The following GABRG1 variants were observed in gnomAD, a reference collection of about 807,000 sequenced individuals.
GABRG1 encodes gamma-aminobutyric acid receptor subunit gamma-1.
A neutral mutation model predicts 49.8 loss-of-function variants in GABRG1; 49 were observed. The observed-to-expected ratio is 0.98, with a 90% confidence interval of 0.78 to 1.25. The LOEUF (loss-of-function observed/expected upper bound fraction) is 1.25, where lower values mean the gene tolerates loss of function less well. Among genes scored for constraint, GABRG1 ranks in the 50% most tolerant of loss-of-function variants. The probability of loss-of-function intolerance (pLI) is 0.00; values close to 1 mark genes in which losing one functional copy is unlikely to be tolerated. For missense variants in GABRG1, 552 were observed against 552.3 expected (o/e 1.00, Z 0.01); for synonymous variants, 232 against 185.1 (o/e 1.25, Z -2.06).
intron 3 of GABRG1, among the ~76,000 whole-genome samples, chr4:46,079,853 C>T (rs185237588): frequency 1.0e-3 from 159 of 151,888 alleles, no homozygotes; most frequent in African/African-American, 3.6e-3. Context: ...CATAATATCC[C>T]CCAAATCTGA....
At position 46,065,103 on chromosome 4, in the gene GABRG1, A is replaced by G. The variant is rs1056271141; in HGVS notation, c.542+261T>C. 4.6e-5 allele frequency among the ~76,000 whole-genome samples: 7 copies of G among 152,172 alleles called. 1 individual carries two copies. In the South Asian group the frequency reaches 8.3e-4, roughly 18 times the overall value. ...ATTTGCACTGCAGGTTAAGAAAACC[A>G]TAATCTTTATGCTGCAACCTGTTCT... On this transcript the variant is annotated intron_variant, in intron 4 of 8. Transcript: ENST00000295452.
intron 7 of GABRG1, among the ~76,000 whole-genome samples, chr4:46,053,804 T>G (rs1718336687): frequency 6.6e-6 from 1 of 152,092 alleles, no homozygotes; most frequent in Non-Finnish European, 1.5e-5. Flanking sequence ...TTATTTAATT[T>G]AGTAATTATT....
chr4:46,096,129 A>G lies in GABRG1; in HGVS notation c.253+1072T>C, dbSNP rs191156635. 5.0e-4 allele frequency among the ~76,000 whole-genome samples: 76 copies of G among 152,006 alleles called. 2 individuals are homozygous for G. The South Asian group carries it at 0.015, about 29-fold the overall frequency. ...CCTCCAGCATATATTGAAAGAGCCT[A>G]AAGACTAAAGCAAAGATTGGGAAAA... is the stretch of plus-strand genomic sequence containing the variant. On this transcript the variant is annotated intron_variant, in intron 2 of 8. Transcript: ENST00000295452.
In GABRG1 at chr4:46,121,342, A is replaced by G. The variant is rs1721085267; in HGVS notation, c.104+2468T>C. 3.3e-5 allele frequency among the ~76,000 whole-genome samples: 5 copies of G among 152,110 alleles called. No homozygotes were observed. In the South Asian group the frequency reaches 1.0e-3, roughly 31 times the overall value. ...AAATATGATCGTACATGATTTATAC[A>G]TGTTAGCATCTGTTACCTCCAACTA... On this transcript the variant is annotated intron_variant, in intron 1 of 8. Coordinates refer to ENST00000295452, the MANE Select transcript of GABRG1 (RefSeq NM_173536.4).
intron 3 of GABRG1, among the ~76,000 whole-genome samples, chr4:46,067,376 T>C (rs1262063770): frequency 1.3e-5 from 2 of 152,146 alleles, no homozygotes; most frequent in African/African-American, 2.4e-5. Context: ...AGATGTATGT[T>C]TTATAAAGGG....
intron 8 of GABRG1, among the ~76,000 whole-genome samples, chr4:46,050,069 G>A (rs1244337171): frequency 6.6e-6 from 1 of 151,836 alleles, no homozygotes; most frequent in Non-Finnish European, 1.5e-5. Flanking sequence ...CAGAGAAGAT[G>A]CATGGCTTTG....
At chr4:46,120,656 T>G (rs962825947) in intron 1 of GABRG1, among the ~76,000 whole-genome samples, 1 of 151,796 alleles carries the variant, frequency 6.6e-6, no homozygotes, top group Non-Finnish European at 1.5e-5. Context: ...CTTAAAAAAT[T>G]ATTCATTCAT....
intron 2 of GABRG1, among the ~76,000 whole-genome samples, chr4:46,095,122 A>G (rs1720123323): frequency 6.6e-6 from 1 of 151,862 alleles, no homozygotes; most frequent in Non-Finnish European, 1.5e-5. Flanking sequence ...AAAATAGAAG[A>G]AAAAGACAAA....
chr4:46,080,042 C>T (rs900826639), intron 3 of GABRG1, among the ~76,000 whole-genome samples: 4 of 151,806 alleles, frequency 2.6e-5, no homozygotes, highest in Non-Finnish European at 4.4e-5. Context: ...ATTAGTGCAT[C>T]TGTTACTCAT....
chr4:46,053,532 T>TA (rs1462204747), intron 7 of GABRG1, among the ~76,000 whole-genome samples: 3 of 152,034 alleles, frequency 2.0e-5, no homozygotes, highest in South Asian at 4.1e-4. Flanking sequence ...TGGTAAAGGC[T>TA]AAAAAAATGA....
At chr4:46,112,782 G>A (rs192874301) in intron 1 of GABRG1, among the ~76,000 whole-genome samples, 165 of 151,168 alleles carry the variant, frequency 1.1e-3, no homozygotes, top group African/African-American at 3.8e-3. Context: ...CTATTAGAGA[G>A]GGCAAGGAGG....
chr4:46,077,554 A>C (rs1286908862), intron 3 of GABRG1, among the ~76,000 whole-genome samples: 1 of 151,932 alleles, frequency 6.6e-6, no homozygotes, highest in Non-Finnish European at 1.5e-5. Flanking sequence ...TATGAAGAAC[A>C]TCTTTAGAAG....
intron 1 of GABRG1, among the ~76,000 whole-genome samples, chr4:46,106,239 A>G (rs1461080863): frequency 1.3e-5 from 2 of 151,458 alleles, no homozygotes; most frequent in African/African-American, 4.8e-5. Flanking sequence ...TTTGTAGTGC[A>G]GCCCGTTGGC....
intron 2 of GABRG1, among the ~76,000 whole-genome samples, chr4:46,092,515 T>C (rs10470767): frequency 0.51 from 76,647 of 151,626 alleles, 19,703 homozygotes; most frequent in African/African-American, 0.54. Context: ...AAGGAAAGAA[T>C]AGAGAAAAAT....
chr4:46,089,930 C>T (rs771805937), intron 2 of GABRG1, among the ~76,000 whole-genome samples: 2 of 151,944 alleles, frequency 1.3e-5, no homozygotes, highest in Non-Finnish European at 2.9e-5. Context: ...CACCACTGCA[C>T]TCCAGCCTGG....
At chr4:46,123,704 G>T (rs1193966476) in intron 1 of GABRG1, 106 bp downstream of exon 1, 7 of 737,538 alleles carry the variant, frequency 9.5e-6, no homozygotes, top group African/African-American at 8.9e-5. Flanking sequence ...TATGTGTTAG[G>T]AAATGCAAAT....
chr4:46,089,794 C>T (rs572745696), intron 2 of GABRG1, among the ~76,000 whole-genome samples: 1 of 152,012 alleles, frequency 6.6e-6, no homozygotes, highest in East Asian at 2.0e-4. Flanking sequence ...GAAACCCCGT[C>T]TCTACAAAAA....
rs1210816467 is a variant in GABRG1 at position 46,041,384 on chromosome 4, A to G, written c.1132-130T>C. The G allele has an allele frequency of 6.7e-6, 5 of 744,526 alleles. No homozygotes were observed. The Admixed American group carries it at 9.7e-5, about 14-fold the overall frequency. The allele number at this position is 744,526 out of a possible 1,614,324, so 46.1% of individuals were successfully genotyped here. A position where few individuals can be genotyped will look rare whatever the true frequency, so the allele number is the denominator to read the frequency against. On this transcript the variant is annotated intron_variant, in intron 8 of 8. Transcript: ENST00000295452. ...TAATCTTGATTTCAAAAAATCAAGT[A>G]TTTTCAATTATAACATGTTTTATAT...
intron 1 of GABRG1, among the ~76,000 whole-genome samples, chr4:46,110,740 T>TA (rs951948555): frequency 1.0e-4 from 15 of 150,470 alleles, no homozygotes; most frequent in African/African-American, 2.7e-4. Flanking sequence ...TGAGCATAAT[T>TA]AAAAAAAACA....
Sources: gnomAD v4.1 joint callset for allele counts (sites outside exome capture counted in the v4.1 genomes callset) on GRCh38, gnomAD v4.1.1 for gene constraint, MANE v1.5 for transcripts, NCBI Gene and HGNC (gene_info 2026-07-23, HGNC 2026-07-21) for gene names.